The following SCARB2 variants were observed in gnomAD, a reference collection of about 807,000 sequenced individuals.
SCARB2 encodes the protein scavenger receptor class B member 2, also known as lysosome membrane protein 2.
Under a neutral mutation model 58.6 loss-of-function variants are expected in SCARB2, and 29 were observed. The ratio of observed to expected loss-of-function variants is 0.49; its 90% CI spans 0.37 to 0.67. The LOEUF (loss-of-function observed/expected upper bound fraction) is 0.67. Ranked by LOEUF, SCARB2 falls within the 30% of genes least tolerant of loss-of-function variation. The pLI, the probability that SCARB2 is intolerant of heterozygous loss-of-function variation, is 0.00. For missense variants in SCARB2, 488 were observed against 578.5 expected (o/e 0.84, Z 1.60); for synonymous variants, 195 against 210.1 (o/e 0.93, Z 0.62).
chr4:76,188,577 C>CT (rs1732535497), intron 2 of SCARB2, among the ~76,000 whole-genome samples: 1 of 152,222 alleles, frequency 6.6e-6, no homozygotes, highest in Admixed American at 6.5e-5. Flanking sequence ...GCGAAAGGGG[C>CT]TACATGCCCT....
intron 7 of SCARB2, among the ~76,000 whole-genome samples, chr4:76,172,142 AATAT>A (rs1287756850): frequency 6.7e-6 from 1 of 148,842 alleles, no homozygotes; most frequent in Admixed American, 6.7e-5. Flanking sequence ...TACATACATA[AATAT>A]ATACATGTGG....
intron 1 of SCARB2, among the ~76,000 whole-genome samples, chr4:76,211,885 C>T (rs909839991): frequency 6.6e-6 from 1 of 152,204 alleles, no homozygotes; most frequent in African/African-American, 2.4e-5. Flanking sequence ...CTTCCCTGTA[C>T]TATTACTTAT....
intron 1 of SCARB2, among the ~76,000 whole-genome samples, chr4:76,209,666 C>T (rs964908019): frequency 6.6e-6 from 1 of 152,238 alleles, no homozygotes; most frequent in African/African-American, 2.4e-5. Flanking sequence ...CACGCCTGGC[C>T]TATATTTTAC....
intron 1 of SCARB2, among the ~76,000 whole-genome samples, chr4:76,225,199 T>C (rs1243101033): frequency 6.6e-6 from 1 of 152,228 alleles, no homozygotes; most frequent in Non-Finnish European, 1.5e-5. Flanking sequence ...TCGTTGGCAC[T>C]TGAGCTGGTT....
Position 76,213,618 on chromosome 4 carries a change from A to T in SCARB2, c.-75T>A. 3 of 1,247,018 alleles carry T rather than the reference A, an allele frequency of 2.4e-6. No individual in the cohort carries two copies. Among genetic ancestry groups the T allele is most frequent in the South Asian group, 1.2e-5 (1 of 80,856 alleles). The allele number at this position is 1,247,018 out of a possible 1,614,324, so 77.2% of individuals were successfully genotyped here. On this transcript the variant is annotated 5_prime_UTR_variant, in exon 1 of 12. Transcript: ENST00000264896. ...ACTGCAAGGAGGGAGGAGCCGCCGC[A>T]GAGGCGTCGAAGACCCGGGACCCTT...
At chr4:76,198,109 C>T (rs1732752259) in intron 1 of SCARB2, among the ~76,000 whole-genome samples, 1 of 152,228 alleles carries the variant, frequency 6.6e-6, no homozygotes, top group South Asian at 2.1e-4. Flanking sequence ...GACTCCACCG[C>T]ACTTCTCTTC....
chr4:76,202,696 G>A (rs1701801945), intron 1 of SCARB2, among the ~76,000 whole-genome samples: 1 of 152,110 alleles, frequency 6.6e-6, no homozygotes, highest in African/African-American at 2.4e-5. Context: ...CACTATCGCT[G>A]TTAACATATG....
At chr4:76,186,592 C>A (rs1175460078) in intron 2 of SCARB2, among the ~76,000 whole-genome samples, 1 of 152,058 alleles carries the variant, frequency 6.6e-6, no homozygotes, top group Non-Finnish European at 1.5e-5. Flanking sequence ...AGAGCAGGGT[C>A]GGGAGAAGAC....
intron 1 of SCARB2, among the ~76,000 whole-genome samples, chr4:76,218,830 G>A (rs1020638185): frequency 6.6e-6 from 1 of 152,102 alleles, no homozygotes; most frequent in African/African-American, 2.4e-5. Flanking sequence ...AATATAGTGG[G>A]CAAAAAGGGT....
Position 76,161,233 on chromosome 4 carries a change from ATT to A in SCARB2, c.*478_*479del, listed in dbSNP as rs1274901240. The A allele has an allele frequency of 1.2e-5, 2 of 164,900 alleles. No homozygotes were observed. Among genetic ancestry groups the A allele is most frequent in the Non-Finnish European group, 2.7e-5 (2 of 74,634 alleles). 10.2% of individuals were successfully genotyped at this position (164,900 alleles called of 1,614,324 possible). The stretch of plus-strand genomic sequence containing the variant: ...GAATGATATATTGGATGAAGCTACC[ATT>A]TTACCCTGGGTCCCGAACTCTTATT... On this transcript the variant is annotated 3_prime_UTR_variant, in exon 12 of 12. Coordinates refer to ENST00000264896, the MANE Select transcript of SCARB2 (RefSeq NM_005506.4).
intron 4 of SCARB2, chr4:76,176,814 T>C: frequency 3.3e-6 from 1 of 304,180 alleles, no homozygotes; most frequent in Non-Finnish European, 6.0e-6. Flanking sequence ...CTGCCTGGAT[T>C]TCCAGGTTGC....
At chr4:76,176,304 T>G in intron 5 of SCARB2, 133 bp downstream of exon 5, 1 of 648,286 alleles carries the variant, frequency 1.5e-6, no homozygotes, top group South Asian at 1.9e-5. Context: ...GAATAATAAT[T>G]ACAAGACTAT....
chr4:76,229,426 A>G (rs552590506), intron 1 of SCARB2, among the ~76,000 whole-genome samples: 1 of 152,266 alleles, frequency 6.6e-6, no homozygotes. Context: ...TTGTTTTGTC[A>G]TATTACCAGA....
chr4:76,200,227 A>T (rs573054605), intron 1 of SCARB2, among the ~76,000 whole-genome samples: 1 of 152,196 alleles, frequency 6.6e-6, no homozygotes, highest in Non-Finnish European at 1.5e-5. Flanking sequence ...TAATCAGCTG[A>T]GTCTTCTTAG....
Position 76,187,117 on chromosome 4 carries a change from G to C in SCARB2, c.276-6016C>G, listed in dbSNP as rs866841196. 2.4e-4 allele frequency among the ~76,000 whole-genome samples: 36 copies of C among 152,154 alleles called. 1 individual carries two copies. Among genetic ancestry groups the C allele is most frequent in the African/African-American group, 6.8e-4 (28 of 41,430 alleles). On this transcript the variant is annotated intron_variant, in intron 2 of 11. Transcript: ENST00000264896. The stretch of plus-strand genomic sequence containing the variant: ...CCTGCCTTTGCTAAATTGCAAGGAA[G>C]ACACTTAGATCCTGAAGAAATTAAA...
intron 2 of SCARB2, among the ~76,000 whole-genome samples, chr4:76,182,551 C>T (rs1167750024): frequency 6.6e-6 from 1 of 152,162 alleles, no homozygotes; most frequent in Non-Finnish European, 1.5e-5. Context: ...AATTTAAGAG[C>T]ACAGGTTAGG....
intron 2 of SCARB2, among the ~76,000 whole-genome samples, chr4:76,183,293 A>G (rs1732422850): frequency 6.6e-6 from 1 of 152,170 alleles, no homozygotes; most frequent in Non-Finnish European, 1.5e-5. Context: ...TTCTACTTGG[A>G]CATAGCATCA....
intron 2 of SCARB2, among the ~76,000 whole-genome samples, chr4:76,182,954 C>T (rs187832637): frequency 1.3e-5 from 2 of 152,242 alleles, no homozygotes; most frequent in South Asian, 2.1e-4. Flanking sequence ...CACACAATCG[C>T]GAAGTCAAAA....
intron 3 of SCARB2, 64 bp downstream of exon 3, chr4:76,180,890 G>C: frequency 7.1e-7 from 1 of 1,402,392 alleles, no homozygotes; most frequent in Non-Finnish European, 9.9e-7. Flanking sequence ...ATCATAAAGA[G>C]CATTAACTTA....
Sources: allele counts gnomAD v4.1 joint callset (sites outside exome capture counted in the v4.1 genomes callset), GRCh38; gene constraint gnomAD v4.1.1; transcripts MANE v1.5; gene names NCBI Gene and HGNC (gene_info 2026-07-23, HGNC 2026-07-21).